RANBP2: variants seen among roughly 807,000 people sequenced by gnomAD.
RANBP2 encodes the protein E3 SUMO-protein ligase RanBP2.
RANBP2 carries 57 observed loss-of-function variants against 303.6 expected under a neutral mutation model. The observed-to-expected ratio is 0.19, with a 90% CI of 0.15 to 0.23. RANBP2 has a LOEUF of 0.23. Among genes scored for constraint, RANBP2 ranks in the 10% least tolerant of loss-of-function variants. RANBP2 has a pLI of 1.00. For missense variants in RANBP2, 3,138 were observed against 3,780.8 expected (o/e 0.83, Z 4.46); for synonymous variants, 1,167 against 1,301.5 (o/e 0.90, Z 2.23).
chr2:108,953,275 T>C, the RANBP2 span, among the ~76,000 whole-genome samples: 2 of 152,204 alleles, frequency 1.3e-5, no homozygotes, highest in East Asian at 1.9e-4. Flanking sequence ...AGGTGTTCTC[T>C]GTTGTCTGCT....
the RANBP2 span, chr2:108,894,974 C>CTCA: frequency 6.6e-6 from 1 of 152,218 alleles, no homozygotes; most frequent in Non-Finnish European, 1.5e-5. Context: ...GAATGGCACA[C>CTCA]TCATCACAAG....
At chr2:108,797,774 A>T in the RANBP2 span, among the ~76,000 whole-genome samples, 1 of 152,186 alleles carries the variant, frequency 6.6e-6, no homozygotes, top group East Asian at 1.9e-4. Flanking sequence ...GGCTATTCAC[A>T]AAGAGTGGAA....
the RANBP2 span, among the ~76,000 whole-genome samples, chr2:109,305,834 G>C: frequency 1.3e-5 from 2 of 152,228 alleles, no homozygotes. Flanking sequence ...CTCTCACTGA[G>C]AAAGAGCAGG....
the RANBP2 span, among the ~76,000 whole-genome samples, chr2:109,283,403 G>A: frequency 2.1e-4 from 32 of 152,180 alleles, no homozygotes; most frequent in Non-Finnish European, 4.3e-4. Flanking sequence ...TGTTTTGGTG[G>A]CCAGTATTGA....
the RANBP2 span, among the ~76,000 whole-genome samples, chr2:108,969,360 T>C: frequency 4.6e-5 from 7 of 152,192 alleles, no homozygotes; most frequent in Admixed American, 2.0e-4. Context: ...TTGATCTGTA[T>C]GTGCTGGCTA....
At chr2:108,915,114 G>T in the RANBP2 span, among the ~76,000 whole-genome samples, 1 of 152,198 alleles carries the variant, frequency 6.6e-6, no homozygotes, top group Admixed American at 6.5e-5. Flanking sequence ...ACGTTGGCCA[G>T]GCTGGTCTTG....
At chr2:109,187,666 C>A in the RANBP2 span, among the ~76,000 whole-genome samples, 6 of 152,180 alleles carry the variant, frequency 3.9e-5, no homozygotes, top group Non-Finnish European at 1.5e-5. Context: ...CATGTACACT[C>A]TGATGTTCAC....
At chr2:108,771,671 C>A in intron 20 of RANBP2, 30 bp from the exon 21 acceptor site, 1 of 1,608,068 alleles carries the variant, frequency 6.2e-7, no homozygotes, top group Non-Finnish European at 8.5e-7. Flanking sequence ...AATACCTTAT[C>A]TTTGTCAATT....
At chr2:108,981,107 C>A in the RANBP2 span, among the ~76,000 whole-genome samples, 2 of 152,170 alleles carry the variant, frequency 1.3e-5, no homozygotes, top group African/African-American at 4.8e-5. Flanking sequence ...CCTTGGCTCT[C>A]GGAAATCCAC....
the RANBP2 span, among the ~76,000 whole-genome samples, chr2:109,322,153 G>A: frequency 1.3e-5 from 2 of 152,172 alleles, no homozygotes; most frequent in South Asian, 2.1e-4. Context: ...GAGGAAGAGA[G>A]AGACAAGACA....
the RANBP2 span, among the ~76,000 whole-genome samples, chr2:109,420,219 T>C: frequency 6.6e-6 from 1 of 152,226 alleles, no homozygotes; most frequent in Non-Finnish European, 1.5e-5. Context: ...AATTTTAAAA[T>C]TCCCCATTTA....
chr2:109,405,428 C>T, the RANBP2 span, among the ~76,000 whole-genome samples: 1 of 152,180 alleles, frequency 6.6e-6, no homozygotes, highest in East Asian at 1.9e-4. Flanking sequence ...TTCAGACTGG[C>T]CCTTGGTTGC....
the RANBP2 span, among the ~76,000 whole-genome samples, chr2:109,597,386 T>A: frequency 1.3e-5 from 2 of 152,234 alleles, no homozygotes; most frequent in Non-Finnish European, 2.9e-5. Context: ...TCTGGCCTGC[T>A]CTATTGTTGA....
chr2:109,201,402 G>A, the RANBP2 span, among the ~76,000 whole-genome samples: 9 of 152,142 alleles, frequency 5.9e-5, no homozygotes, highest in Admixed American at 5.2e-4. Context: ...GCTGTTTCCC[G>A]GATCTCTCTG....
At chr2:109,589,002 A>T in the RANBP2 span, among the ~76,000 whole-genome samples, 1 of 151,754 alleles carries the variant, frequency 6.6e-6, no homozygotes, top group Non-Finnish European at 1.5e-5. Context: ...GTTATCAAGA[A>T]AATGTAAAAT....
the RANBP2 span, among the ~76,000 whole-genome samples, chr2:109,587,047 AAGAG>A: frequency 1.3e-5 from 2 of 152,244 alleles, no homozygotes; most frequent in Non-Finnish European, 2.9e-5. Context: ...AGTCAACAGA[AAGAG>A]AGCCACAATG....
the RANBP2 span, among the ~76,000 whole-genome samples, chr2:109,671,144 C>G: frequency 2.0e-5 from 3 of 152,214 alleles, no homozygotes; most frequent in African/African-American, 7.2e-5. Flanking sequence ...GCCCACACTG[C>G]TGCTTCCTAC....
chr2:109,046,487 A>T, the RANBP2 span, among the ~76,000 whole-genome samples: 1 of 144,982 alleles, frequency 6.9e-6, no homozygotes, highest in African/African-American at 2.6e-5. Flanking sequence ...GCTCACTGCA[A>T]CCTCCACCTC....
the RANBP2 span, chr2:108,897,315 A>G: frequency 7.5e-7 from 1 of 1,329,172 alleles, no homozygotes; most frequent in South Asian, 1.4e-5. Flanking sequence ...ATGAAATAAA[A>G]ATTATTTGAA....
Sources: allele counts gnomAD v4.1 joint callset (sites outside exome capture counted in the v4.1 genomes callset), GRCh38; gene constraint gnomAD v4.1.1; transcripts MANE v1.5; gene names NCBI Gene and HGNC (gene_info 2026-07-23, HGNC 2026-07-21).